SLC4A7: variants seen among roughly 807,000 people sequenced by gnomAD.
SLC4A7 encodes the protein sodium bicarbonate cotransporter 3.
Under a neutral mutation model 137.6 loss-of-function variants are expected in SLC4A7, and 51 were observed. That is an observed-to-expected ratio of 0.37 (90% CI 0.30 to 0.47). The LOEUF (loss-of-function observed/expected upper bound fraction) is 0.47. Ranked by LOEUF, SLC4A7 falls within the 20% of genes least tolerant of loss-of-function variation. The probability of loss-of-function intolerance (pLI) is 1.00; values close to 1 mark genes in which losing one functional copy is unlikely to be tolerated. For missense variants in SLC4A7, 1,247 were observed against 1,525.4 expected, an observed-to-expected ratio of 0.82 and a Z score of 3.04; for synonymous variants, 542 against 518.6, an observed-to-expected ratio of 1.05 and a Z score of -0.61.
intron 3 of SLC4A7, among the ~76,000 whole-genome samples, chr3:27,438,428 C>G (rs1041969085): frequency 6.6e-6 from 1 of 151,932 alleles, no homozygotes; most frequent in Non-Finnish European, 1.5e-5. Context: ...TCGCTTGAAC[C>G]CAGAAGGCGT....
intron 3 of SLC4A7, among the ~76,000 whole-genome samples, chr3:27,448,207 A>C (rs2057809140): frequency 7.8e-6 from 1 of 127,660 alleles, no homozygotes; most frequent in Admixed American, 9.0e-5. Context: ...ACAGAGTAAG[A>C]CTCCATCTCA....
intron 24 of SLC4A7, among the ~76,000 whole-genome samples, chr3:27,381,241 G>C (rs1482027126): frequency 6.6e-6 from 1 of 152,042 alleles, no homozygotes; most frequent in Non-Finnish European, 1.5e-5. Flanking sequence ...TCAGACTATA[G>C]ACTCCACTTA....
At chr3:27,442,239 T>C (rs1411903074) in intron 3 of SLC4A7, among the ~76,000 whole-genome samples, 2 of 152,190 alleles carry the variant, frequency 1.3e-5, no homozygotes, top group African/African-American at 4.8e-5. Context: ...TCACCCTTAA[T>C]GAATTATCAG....
chr3:27,394,580 C>T lies in SLC4A7; in HGVS notation c.3055G>A (p.Val1019Ile). 6.2e-7 allele frequency: 1 copy of T among 1,614,086 alleles called. No homozygotes were observed. The change falls in exon 20 of 26, where the codon GTT (valine) becomes ATT (isoleucine). Residue 1019 changes from valine to isoleucine, a missense_variant. By Grantham distance (29) the Val-to-Ile change is conservative. Around this residue, in one of 6 missense-constraint regions of SLC4A7, gnomAD observed 290 missense variants for 323.8 expected, o/e 0.90. Transcript: ENST00000454389. Reference protein sequence around the residue: ...PKFLGIREQRVTGLMIFILMG... With the variant: ...PKFLGIREQRITGLMIFILMG... The stretch of plus-strand genomic sequence containing the variant: ...AGAATAAAAATCATTAGCCCTGTAA[C>T]CCGCTGTTCACGAATTCCCAAAAAC...
intron 18 of SLC4A7, among the ~76,000 whole-genome samples, chr3:27,396,969 T>C (rs1316652635): frequency 6.6e-6 from 1 of 152,188 alleles, no homozygotes; most frequent in Non-Finnish European, 1.5e-5. Context: ...CTGTCAGATA[T>C]ACTACCCTTC....
At chr3:27,405,319 TG>T (rs2150172442) in intron 13 of SLC4A7, among the ~76,000 whole-genome samples, 1 of 152,208 alleles carries the variant, frequency 6.6e-6, no homozygotes, top group Admixed American at 6.5e-5. Context: ...AGATTAAGGA[TG>T]TTCAACCAGA....
At chr3:27,377,941 C>A (rs2050058317) in intron 25 of SLC4A7, among the ~76,000 whole-genome samples, 1 of 152,090 alleles carries the variant, frequency 6.6e-6, no homozygotes, top group Non-Finnish European at 1.5e-5. Context: ...CAGGGCAACC[C>A]AAACAAAAGG....
chr3:27,422,092 A>G (rs966016015), intron 8 of SLC4A7, among the ~76,000 whole-genome samples: 29 of 152,348 alleles, frequency 1.9e-4, no homozygotes, highest in Admixed American at 1.6e-3. Context: ...TAGTTCACAA[A>G]CTAACAATGG....
chr3:27,426,577 A>AG (rs1264981802), intron 7 of SLC4A7, among the ~76,000 whole-genome samples: 1 of 152,210 alleles, frequency 6.6e-6, no homozygotes, highest in East Asian at 1.9e-4. Context: ...GCCAGATATG[A>AG]GGGAAAAAAG....
chr3:27,463,832 G>T (rs975968162), intron 1 of SLC4A7, among the ~76,000 whole-genome samples: 3 of 152,152 alleles, frequency 2.0e-5, no homozygotes, highest in Admixed American at 6.5e-5. Context: ...TTGCTGTGTT[G>T]TTCTTTTCGC....
At chr3:27,425,676 CAAAAAAAAAAAAAA>C (rs59895795) in intron 7 of SLC4A7, among the ~76,000 whole-genome samples, 23 of 61,488 alleles carry the variant, frequency 3.7e-4, no homozygotes, top group Admixed American at 1.8e-3. Flanking sequence ...AACTCTGTCT[CAAAAAAAAAAAAAA>C]AAAAAAAAAA....
In SLC4A7 at chr3:27,394,962, TG is replaced by T; in HGVS notation, c.2856del (p.His952GlnfsTer3). ...CAAAATTCTAAAATTACCTTCAATT[TG>T]TGTTCCTTTCTGTTTATAATTACAG... ...ITAVIINRKE[H>X]KLKKGAGYHL... is the part of the protein sequence containing the mutation. On this transcript the variant is annotated frameshift_variant, in exon 19 of 26. Transcript: ENST00000454389. LOFTEE classifies it high-confidence loss of function. 1 of 1,593,198 alleles carries T rather than the reference TG, an allele frequency of 6.3e-7. No homozygotes were observed. The highest frequency in any genetic ancestry group is 8.5e-7 in the Non-Finnish European group (1 of 1,173,798).
At chr3:27,443,897 G>A (rs1474182615) in intron 3 of SLC4A7, among the ~76,000 whole-genome samples, 1 of 152,054 alleles carries the variant, frequency 6.6e-6, no homozygotes, top group East Asian at 1.9e-4. Flanking sequence ...CAAATACCTA[G>A]GAATTATTCT....
At chr3:27,420,914 C>A (rs1339614607) in intron 9 of SLC4A7, 127 bp from the exon 10 acceptor site, 1 of 551,806 alleles carries the variant, frequency 1.8e-6, no homozygotes, top group South Asian at 2.8e-5. Flanking sequence ...TCTACTCCCC[C>A]ACACCAATCA....
chr3:27,386,671 C>G (rs987279272), intron 22 of SLC4A7, among the ~76,000 whole-genome samples: 16 of 152,222 alleles, frequency 1.1e-4, no homozygotes, highest in Non-Finnish European at 1.9e-4. Flanking sequence ...AGTTCACAGT[C>G]TGATTTAACT....
chr3:27,420,914 C>G, intron 9 of SLC4A7, 127 bp from the exon 10 acceptor site: 1 of 551,810 alleles, frequency 1.8e-6, no homozygotes, highest in Non-Finnish European at 3.1e-6. Context: ...TCTACTCCCC[C>G]ACACCAATCA....
chr3:27,452,381 C>A, intron 2 of SLC4A7, 36 bp downstream of exon 2: 1 of 1,308,776 alleles, frequency 7.6e-7, no homozygotes, highest in Non-Finnish European at 1.1e-6. Context: ...GTAAATTATC[C>A]TACTAAGCGA....
At chr3:27,473,157 G>GGT (rs1464670584) in intron 1 of SLC4A7, among the ~76,000 whole-genome samples, 2 of 151,918 alleles carry the variant, frequency 1.3e-5, no homozygotes, top group Non-Finnish European at 2.9e-5. Flanking sequence ...AGCTGGGCAT[G>GGT]GTGTGTGTGT....
intron 1 of SLC4A7, among the ~76,000 whole-genome samples, chr3:27,469,753 C>CA (rs909961230): frequency 5.3e-5 from 8 of 149,890 alleles, no homozygotes; most frequent in South Asian, 2.1e-4. Context: ...AACTCTGTCT[C>CA]AAAAAAAAAT....
Sources: allele counts gnomAD v4.1 joint callset (sites outside exome capture counted in the v4.1 genomes callset), GRCh38; gene constraint gnomAD v4.1.1; regional missense constraint gnomAD v4.1.1; transcripts MANE v1.5; gene names NCBI Gene and HGNC (gene_info 2026-07-23, HGNC 2026-07-21).